TULP4: variants seen among roughly 807,000 people sequenced by gnomAD.
The protein encoded by TULP4 is tubby-related protein 4.
A neutral mutation model predicts 129.0 loss-of-function variants in TULP4; 16 were observed. The observed-to-expected ratio is 0.12, with a 90% CI of 0.08 to 0.19. TULP4 has a LOEUF of 0.19. TULP4 is among the 10% of genes least tolerant of loss of function. The probability of loss-of-function intolerance (pLI) is 1.00; values close to 1 mark genes in which losing one functional copy is unlikely to be tolerated. For missense variants in TULP4, 1,842 were observed against 2,059.1 expected, an observed-to-expected ratio of 0.89 and a Z score of 2.04; for synonymous variants, 998 against 854.0, an observed-to-expected ratio of 1.17 and a Z score of -2.94.
At chr6:158,377,301 T>C (rs1314200311) in intron 1 of TULP4, among the ~76,000 whole-genome samples, 1 of 152,184 alleles carries the variant, frequency 6.6e-6, no homozygotes, top group Non-Finnish European at 1.5e-5. Context: ...ACCCACCACA[T>C]AGGTATGATT....
chr6:158,317,851 T>A lies in TULP4; in HGVS notation c.252+3583T>A, dbSNP rs529660781. Among the ~76,000 whole-genome samples, 305 of 152,362 alleles carry A rather than the reference T, an allele frequency of 2.0e-3. 2 individuals are homozygous for A. Among genetic ancestry groups the A allele is most frequent in the African/African-American group, 6.5e-3 (269 of 41,588 alleles). On this transcript the variant is annotated intron_variant, in intron 1 of 13. Transcript: ENST00000367097. Reference sequence around the variant, plus strand: ...CCTGACTTTTTAATGATCACCATTCTAACTGGTGTGAGATGGTATCTCATT... The same window carrying A: ...CCTGACTTTTTAATGATCACCATTCAAACTGGTGTGAGATGGTATCTCATT...
intron 1 of TULP4, among the ~76,000 whole-genome samples, chr6:158,326,819 C>T (rs1338858163): frequency 6.6e-6 from 1 of 152,020 alleles, no homozygotes. Flanking sequence ...TATAGTTGTC[C>T]CTTGACTATC....
At chr6:158,445,898 TC>T (rs1779026476) in intron 3 of TULP4, among the ~76,000 whole-genome samples, 1 of 152,072 alleles carries the variant, frequency 6.6e-6, no homozygotes, top group African/African-American at 2.4e-5. Context: ...ATGAATGGGA[TC>T]CTTGAGGCTA....
At chr6:158,435,890 C>T (rs1778739731) in intron 3 of TULP4, among the ~76,000 whole-genome samples, 1 of 151,850 alleles carries the variant, frequency 6.6e-6, no homozygotes, top group Admixed American at 6.6e-5. Context: ...CGTTTGTGCC[C>T]TCAACTGGGA....
intron 1 of TULP4, among the ~76,000 whole-genome samples, chr6:158,307,143 A>T (rs548785563): frequency 6.6e-6 from 1 of 152,356 alleles, no homozygotes; most frequent in South Asian, 2.1e-4. Flanking sequence ...ATTTAATAAT[A>T]AGAGTGTATT....
intron 3 of TULP4, among the ~76,000 whole-genome samples, chr6:158,433,912 G>A (rs1778692401): frequency 6.6e-6 from 1 of 151,656 alleles, no homozygotes; most frequent in Non-Finnish European, 1.5e-5. Flanking sequence ...TCACAGACTG[G>A]GCGGTTTCAA....
intron 1 of TULP4, among the ~76,000 whole-genome samples, chr6:158,404,405 T>C (rs1777926933): frequency 6.6e-6 from 1 of 152,198 alleles, no homozygotes; most frequent in Non-Finnish European, 1.5e-5. Context: ...GTATGTTACA[T>C]TTTTTCTGTA....
In TULP4 at chr6:158,503,689, C is replaced by T; in HGVS notation, c.4026C>T (p.Asp1342=). Reference sequence around the variant, plus strand: ...GAAAGAAGAACCGGAAGCGCCTGGACAGCCGAGCAGAAGAAGGCAGCGTTC... The same window carrying T: ...GAAAGAAGAACCGGAAGCGCCTGGATAGCCGAGCAGAAGAAGGCAGCGTTC... ...KFGKKNRKRL[D]SRAEEGSVQA... Residue 1342 remains aspartate, a synonymous_variant, in exon 13 of 14, where the codon GAC becomes GAT. Transcript: ENST00000367097. The surrounding 1 kb of genome is among the most constrained non-coding windows in gnomAD (Gnocchi z 4.3). 2 of 1,613,980 alleles carry T rather than the reference C, an allele frequency of 1.2e-6. No individual in the cohort carries two copies. Among genetic ancestry groups the T allele is most frequent in the Non-Finnish European group, 8.5e-7 (1 of 1,180,004 alleles).
Position 158,313,893 on chromosome 6 carries a change from T to G in TULP4, c.-124T>G. The G allele has an allele frequency of 9.1e-7, 1 of 1,095,792 alleles. No homozygotes were observed. The highest frequency in any genetic ancestry group is 1.3e-6 in the Non-Finnish European group (1 of 780,362). The allele number at this position is 1,095,792 out of a possible 1,614,324, so 67.9% of individuals were successfully genotyped here. Reference sequence around the variant, plus strand: ...CTTCTAATTAGATTCAGGTCAGTCTTAATTAAAGGGGGAAAAAAGCAACGC... The same window carrying G: ...CTTCTAATTAGATTCAGGTCAGTCTGAATTAAAGGGGGAAAAAAGCAACGC... On this transcript the variant is annotated 5_prime_UTR_variant, in exon 1 of 14. Coordinates refer to ENST00000367097, the MANE Select transcript of TULP4 (RefSeq NM_020245.5).
At position 158,502,845 on chromosome 6, in the gene TULP4, C is replaced by T. The variant is rs200682383; in HGVS notation, c.3182C>T (p.Pro1061Leu). The T allele has an allele frequency of 5.9e-5, 95 of 1,613,540 alleles. No individual in the cohort carries two copies. The highest frequency in any genetic ancestry group is 1.5e-4 in the Admixed American group (9 of 60,016). Residue 1061 changes from proline (P) to leucine (L), a missense_variant, in exon 13 of 14, where the codon CCG (proline) becomes CTG (leucine). Pro to Leu is a moderately conservative substitution (Grantham distance 98, BLOSUM62 -3). Coordinates refer to ENST00000367097, the MANE Select transcript of TULP4 (RefSeq NM_020245.5). Reference sequence around the variant, plus strand: ...CTGGCCCATACCGCCAGCGCCTCCCCGTTGGCCTCCCAGTCCTCCTACAGC... The same window carrying T: ...CTGGCCCATACCGCCAGCGCCTCCCTGTTGGCCTCCCAGTCCTCCTACAGC... Reference protein sequence around the residue: ...ASLAHTASASPLASQSSYSLL... With the variant: ...ASLAHTASASLLASQSSYSLL...
intron 3 of TULP4, chr6:158,438,212 T>C (rs1778793610): frequency 6.6e-6 from 1 of 152,260 alleles, no homozygotes. Flanking sequence ...TGCTTTTTTA[T>C]CCTTTCTTTT....
At chr6:158,327,281 C>A (rs1779765814) in intron 1 of TULP4, among the ~76,000 whole-genome samples, 1 of 152,176 alleles carries the variant, frequency 6.6e-6, no homozygotes, top group Non-Finnish European at 1.5e-5. Context: ...TCTGAAATTT[C>A]ATAATGGTCT....
chr6:158,343,175 A>G (rs1780223234), intron 1 of TULP4, among the ~76,000 whole-genome samples: 1 of 151,924 alleles, frequency 6.6e-6, no homozygotes, highest in Non-Finnish European at 1.5e-5. Context: ...TTTGTCTATG[A>G]AGGGGAGGGG....
intron 13 of TULP4, among the ~76,000 whole-genome samples, chr6:158,505,418 C>T (rs1780578037): frequency 6.6e-6 from 1 of 152,276 alleles, no homozygotes; most frequent in Admixed American, 6.5e-5. Context: ...CACGCTCATT[C>T]ACCTGAGTAT....
At position 158,385,842 on chromosome 6, in the gene TULP4, C is replaced by CTTTTTTTTTT. The variant is rs778595442; in HGVS notation, c.253-27212_253-27203dup. Among the ~76,000 whole-genome samples the CTTTTTTTTTT allele has an allele frequency of 1.5e-3, 90 of 59,574 alleles. 15 individuals carry two copies. The South Asian group carries it at 0.022, about 14-fold the overall frequency. 39.1% of individuals were successfully genotyped at this position (59,574 alleles called of 152,430 possible). Reference sequence around the variant, plus strand: ...GGAAAAGTCTACAAATGTGGAATATCTTTTTTTTTTTTTTTTTTTTGAGAA... The same window carrying CTTTTTTTTTT: ...GGAAAAGTCTACAAATGTGGAATATCTTTTTTTTTTTTTTTTTTTTTTTTTTTTTTGAGAA... On this transcript the variant is annotated intron_variant, in intron 1 of 13. Coordinates refer to ENST00000367097, the MANE Select transcript of TULP4 (RefSeq NM_020245.5).
intron 1 of TULP4, among the ~76,000 whole-genome samples, chr6:158,326,017 ACTCTT>A (rs771465692): frequency 8.7e-5 from 13 of 150,280 alleles, no homozygotes; most frequent in South Asian, 4.2e-4. Flanking sequence ...GAGATTTAGC[ACTCTT>A]CTCTTTCTTT....
chr6:158,354,085 C>T (rs1252961326), intron 1 of TULP4, among the ~76,000 whole-genome samples: 1 of 151,920 alleles, frequency 6.6e-6, no homozygotes, highest in African/African-American at 2.4e-5. Flanking sequence ...TTAGCTGGCA[C>T]CGTTTCCTGA....
rs1779893360 is a variant in TULP4, at chr6:158,331,750, T to TATATATATATATATATATATAA, written c.252+17485_252+17486insTATATATATATATATATAAATA. Among the ~76,000 whole-genome samples the TATATATATATATATATATATAA allele has an allele frequency of 6.8e-5, 2 of 29,236 alleles. 1 individual carries two copies. The highest frequency in any genetic ancestry group is 1.8e-4 in the Non-Finnish European group (2 of 11,164). 19.2% of individuals were successfully genotyped at this position (29,236 alleles called of 152,430 possible). On this transcript the variant is annotated intron_variant, in intron 1 of 13. Transcript: ENST00000367097. Reference sequence around the variant, plus strand: ...ACACATACGTATATATATACGTGTATATACACGTGTATATATACACGTATA... The same window carrying TATATATATATATATATATATAA: ...ACACATACGTATATATATACGTGTATATATATATATATATATATATAAATACACGTGTATATATACACGTATA...
intron 7 of TULP4, among the ~76,000 whole-genome samples, chr6:158,480,214 C>T (rs1209217197): frequency 6.6e-6 from 1 of 152,254 alleles, no homozygotes; most frequent in Non-Finnish European, 1.5e-5. Flanking sequence ...TATTCCTGGA[C>T]TTCTGTGTCC....
Sources: gnomAD v4.1 joint callset for allele counts (sites outside exome capture counted in the v4.1 genomes callset) on GRCh38, gnomAD v4.1.1 for gene constraint, Gnocchi (gnomAD v3.1) non-coding constraint, MANE v1.5 for transcripts, NCBI Gene and HGNC (gene_info 2026-07-23, HGNC 2026-07-21) for gene names.